Variants in TBCD observed in about 807,000 individuals in gnomAD.
TBCD encodes the protein tubulin-specific chaperone D.
Under a neutral mutation model 169.3 loss-of-function variants are expected in TBCD, and 105 were observed. The ratio of observed to expected loss-of-function variants is 0.62; its 90% CI spans 0.53 to 0.73. TBCD has a LOEUF of 0.73. Among genes scored for constraint, TBCD ranks in the 30% least tolerant of loss-of-function variants. The probability of loss-of-function intolerance (pLI) is 0.00; values close to 1 mark genes in which losing one functional copy is unlikely to be tolerated. For missense variants in TBCD, 1,444 were observed against 1,600.1 expected, an observed-to-expected ratio of 0.90 and a Z score of 1.66; for synonymous variants, 700 against 643.9, an observed-to-expected ratio of 1.09 and a Z score of -1.32.
At position 82,877,614 on chromosome 17, in the gene TBCD, A is replaced by G. The variant is rs139857312; in HGVS notation, c.1476-6531A>G. 8.8e-3 allele frequency among the ~76,000 whole-genome samples: 1,334 copies of G among 152,316 alleles called. 13 individuals are homozygous for G. The highest frequency in any genetic ancestry group is 0.041 in the Middle Eastern group (12 of 294). Reference sequence around the variant, plus strand: ...CTTGGCCTCCCAAAGTGCTGGGATTACAGGCGTGAGCCACTGCGCCCGGCT... The same window carrying G: ...CTTGGCCTCCCAAAGTGCTGGGATTGCAGGCGTGAGCCACTGCGCCCGGCT... On this transcript the variant is annotated intron_variant, in intron 14 of 38. Coordinates refer to ENST00000355528, the MANE Select transcript of TBCD (RefSeq NM_005993.5).
intron 12 of TBCD, among the ~76,000 whole-genome samples, chr17:82,810,075 C>T (rs2051313665): frequency 1.3e-5 from 2 of 152,150 alleles, no homozygotes; most frequent in Non-Finnish European, 2.9e-5. Flanking sequence ...TGGGGCTGCT[C>T]CGAGAGCTTT....
chr17:82,929,216 A>G lies in TBCD; in HGVS notation c.2797A>G (p.Ser933Gly). ...GTTCCTGACGCTCCTGCACTTTGAC[A>G]GCCCTCCCATCCCCCACGTGCCCCA... Reference protein sequence around the residue: ...SVFLTLLHFDSPPIPHVPHRG... With the variant: ...SVFLTLLHFDGPPIPHVPHRG... The change falls in exon 31 of 39, where the codon AGC (serine) becomes GGC (glycine). Residue 933 changes from serine (S) to glycine (G), a missense_variant. Coordinates refer to ENST00000355528, the MANE Select transcript of TBCD (RefSeq NM_005993.5). 6.2e-7 allele frequency: 1 copy of G among 1,613,772 alleles called. No homozygotes were observed. The highest frequency in any genetic ancestry group is 1.1e-5 in the South Asian group (1 of 91,060).
chr17:82,781,619 C>A lies in TBCD; in HGVS notation c.669C>A (p.Ser223Arg). 6.2e-7 allele frequency: 1 copy of A among 1,613,842 alleles called. No homozygotes were observed. Among genetic ancestry groups the A allele is most frequent in the Non-Finnish European group, 8.5e-7 (1 of 1,179,870 alleles). Reference sequence around the variant, plus strand: ...TCACACGTCCTGATGTCAAGCAAAGCAAGATGGCTGAGTTCCTGGACTGGA... The same window carrying A: ...TCACACGTCCTGATGTCAAGCAAAGAAAGATGGCTGAGTTCCTGGACTGGA... ...RFITRPDVKQ[S>R]KMAEFLDWSL... The change falls in exon 7 of 39, where the codon AGC becomes AGA. Residue 223 changes from serine (S) to arginine (R), a missense_variant. Physicochemically the swap from Ser to Arg is moderately radical, Grantham distance 110 (BLOSUM62 -1). Transcript: ENST00000355528.
At chr17:82,868,182 C>T (rs2057311108) in intron 13 of TBCD, among the ~76,000 whole-genome samples, 2 of 152,148 alleles carry the variant, frequency 1.3e-5, no homozygotes, top group East Asian at 1.9e-4. Flanking sequence ...AGGAGCCGGC[C>T]CTGAGCTGCA....
At chr17:82,773,696 A>T (rs2048417334) in intron 6 of TBCD, among the ~76,000 whole-genome samples, 1 of 148,682 alleles carries the variant, frequency 6.7e-6, no homozygotes, top group African/African-American at 2.5e-5. Context: ...AAACGAGATG[A>T]CCTGGTGCGA....
Position 82,942,214 on chromosome 17 carries a change from T to C in TBCD, c.3565-235T>C. The C allele has an allele frequency of 2.5e-5, 15 of 592,866 alleles. 1 individual carries two copies. The South Asian group carries it at 3.2e-4, about 13-fold the overall frequency. 36.7% of individuals were successfully genotyped at this position (592,866 alleles called of 1,614,324 possible). A position where few individuals can be genotyped will look rare whatever the true frequency, so the allele number is the denominator to read the frequency against. On this transcript the variant is annotated intron_variant, in intron 38 of 38. Coordinates refer to ENST00000355528, the MANE Select transcript of TBCD (RefSeq NM_005993.5). ...ACGTGTGAATGCAGGTTAAGAGCAGTGCAGTGAACCTCCCTTCCCGCTCCC... is the reference window on the plus strand; with the variant it reads ...ACGTGTGAATGCAGGTTAAGAGCAGCGCAGTGAACCTCCCTTCCCGCTCCC...
chr17:82,805,498 G>A (rs2050893022), intron 9 of TBCD, among the ~76,000 whole-genome samples: 1 of 152,184 alleles, frequency 6.6e-6, no homozygotes, highest in Non-Finnish European at 1.5e-5. Flanking sequence ...CTGGGCGGTG[G>A]CAGTGGTGGC....
rs2146845245 is a variant in TBCD at position 82,907,677 on chromosome 17, G to A, written c.1923-84G>A. On this transcript the variant is annotated intron_variant, in intron 20 of 38. Transcript: ENST00000355528. ...GTGTACTTGGGGTTAGGGTCTTGGGGAGTGTGGCCTCAGCTCCTCCGAGTG... is the reference window on the plus strand; with the variant it reads ...GTGTACTTGGGGTTAGGGTCTTGGGAAGTGTGGCCTCAGCTCCTCCGAGTG... 4 of 1,472,148 alleles carry A rather than the reference G, an allele frequency of 2.7e-6. No individual in the cohort carries two copies. In the East Asian group the frequency reaches 7.0e-5, roughly 26 times the overall value. 91.2% of individuals were successfully genotyped at this position (1,472,148 alleles called of 1,614,324 possible). A position where few individuals can be genotyped will look rare whatever the true frequency, so the allele number is the denominator to read the frequency against.
intron 14 of TBCD, among the ~76,000 whole-genome samples, chr17:82,872,328 G>A (rs1341377009): frequency 6.6e-6 from 1 of 152,274 alleles, no homozygotes; most frequent in Admixed American, 6.5e-5. Context: ...TGGGGTGGCT[G>A]AGAGCGGCTG....
chr17:82,796,637 T>C (rs676071), intron 7 of TBCD, among the ~76,000 whole-genome samples: 151,796 of 152,284 alleles, frequency 1, 75,655 homozygotes, highest in Middle Eastern at 1. Flanking sequence ...GTCTCCTTCC[T>C]GTTTTGATCG....
At chr17:82,927,044 C>A in intron 28 of TBCD, 142 bp from the exon 29 acceptor site, 1 of 1,142,834 alleles carries the variant, frequency 8.8e-7, no homozygotes, top group Non-Finnish European at 1.2e-6. Context: ...GTGGAAGGAG[C>A]TCTGTGTTTC....
chr17:82,798,482 A>C (rs924677309), intron 8 of TBCD, among the ~76,000 whole-genome samples: 1 of 151,918 alleles, frequency 6.6e-6, no homozygotes, highest in South Asian at 2.1e-4. Flanking sequence ...GGGTTTCACC[A>C]TGTTGGCCAG....
rs199984036 is a variant in TBCD at position 82,926,472 on chromosome 17, G to A, written c.2452G>A (p.Gly818Ser). ...DVSFAESRRDGLKAIARICQT... is the reference protein window; with the variant it reads ...DVSFAESRRDSLKAIARICQT... ...AAGTTTTGCTGAGTCCAGGAGAGAC[G>A]GCTTGAAGGCCATTGCGAGGTGAGT... The change falls in exon 28 of 39, where the codon GGC becomes AGC. Residue 818 changes from glycine to serine, a missense_variant. Physicochemically the swap from Gly to Ser is moderately conservative, Grantham distance 56. Transcript: ENST00000355528. 134 of 1,613,800 alleles carry A rather than the reference G, an allele frequency of 8.3e-5. No homozygotes were observed. Among genetic ancestry groups the A allele is most frequent in the African/African-American group, 3.3e-4 (25 of 74,922 alleles).
intron 18 of TBCD, among the ~76,000 whole-genome samples, chr17:82,901,644 C>A (rs533088637): frequency 6.6e-6 from 1 of 151,288 alleles, no homozygotes; most frequent in African/African-American, 2.4e-5. Context: ...GGGAGCGGCC[C>A]GGCTACCTGC....
chr17:82,830,448 G>A (rs770366255), intron 13 of TBCD: 5 of 1,612,316 alleles, frequency 3.1e-6, no homozygotes, highest in East Asian at 4.5e-5. Flanking sequence ...TGTCCACCGC[G>A]CATGCGTCTG....
chr17:82,921,590 T>C lies in TBCD; in HGVS notation c.2178+13T>C. The C allele has an allele frequency of 6.2e-7, 1 of 1,613,738 alleles. No homozygotes were observed. The highest frequency in any genetic ancestry group is 1.1e-5 in the South Asian group (1 of 91,078). On this transcript the variant is annotated intron_variant, in intron 25 of 38. Coordinates refer to ENST00000355528, the MANE Select transcript of TBCD (RefSeq NM_005993.5). ...CCAGCAGATGAAGGTACAGTGAGCATGGGCGTTCCCGGCCGGCGCTGTGGC... is the reference window on the plus strand; with the variant it reads ...CCAGCAGATGAAGGTACAGTGAGCACGGGCGTTCCCGGCCGGCGCTGTGGC...
In TBCD at chr17:82,870,462, A is replaced by G. The variant is rs368778777; in HGVS notation, c.1475+82A>G. ...GTCGTTTCCTCCATGAGAGGTGTGCACAGCAGATGCTCGTGAAAAGGTGAA... is the reference window on the plus strand; with the variant it reads ...GTCGTTTCCTCCATGAGAGGTGTGCGCAGCAGATGCTCGTGAAAAGGTGAA... On this transcript the variant is annotated intron_variant, in intron 14 of 38. Coordinates refer to ENST00000355528, the MANE Select transcript of TBCD (RefSeq NM_005993.5). 211 of 1,496,384 alleles carry G rather than the reference A, an allele frequency of 1.4e-4. 4 individuals are homozygous for G. The highest frequency in any genetic ancestry group is 7.6e-4 in the East Asian group (32 of 42,012). The allele number at this position is 1,496,384 out of a possible 1,614,324, so 92.7% of individuals were successfully genotyped here.
At chr17:82,800,280 G>C (rs2144662290) in intron 8 of TBCD, among the ~76,000 whole-genome samples, 1 of 152,280 alleles carries the variant, frequency 6.6e-6, no homozygotes. Context: ...CCTGCTCGCA[G>C]GCTCTCCCTG....
intron 13 of TBCD, among the ~76,000 whole-genome samples, chr17:82,863,923 T>C (rs74000107): frequency 0.01 from 1,560 of 152,338 alleles, 20 homozygotes; most frequent in African/African-American, 0.035. Context: ...TCTCAAGCCT[T>C]TCAAATGCCT....
Sources: allele counts gnomAD v4.1 joint callset (sites outside exome capture counted in the v4.1 genomes callset), GRCh38; gene constraint gnomAD v4.1.1; transcripts MANE v1.5; gene names NCBI Gene and HGNC (gene_info 2026-07-23, HGNC 2026-07-21).